The following VPS11 variants were observed in gnomAD, a reference collection of about 807,000 sequenced individuals.
The protein encoded by VPS11 is VPS11 core subunit of CORVET and HOPS complexes.
A neutral mutation model predicts 106.8 loss-of-function variants in VPS11; 51 were observed. That is an observed-to-expected ratio of 0.48 (90% CI 0.38 to 0.60). VPS11 has a LOEUF of 0.60. Among genes scored for constraint, VPS11 ranks in the 20% least tolerant of loss-of-function variants. The pLI is 0.00. For missense variants in VPS11, 950 were observed against 1,190.0 expected (o/e 0.80, Z 2.97); for synonymous variants, 453 against 458.7 (o/e 0.99, Z 0.16).
In VPS11 at chr11:119,081,523, A is replaced by C. The variant is rs1022083791; in HGVS notation, c.2726A>C (p.Lys909Thr). ...ADYFGRGVFN[K>T]LTLLTDPPTA... The stretch of plus-strand genomic sequence containing the variant: ...TACTTTGGCAGAGGTGTTTTCAACA[A>C]ATTGACTCTGCTGACCGACCCTCCC... The change falls in exon 16 of 16, where the codon AAA becomes ACA. Residue 909 changes from lysine (K) to threonine (T), a missense_variant. Lys to Thr is a moderately conservative substitution (Grantham distance 78, BLOSUM62 -1). This residue lies in a region of VPS11 where 453 missense variants were observed against 514.6 expected (regional missense o/e 0.88). Transcript: ENST00000621676. The C allele has an allele frequency of 4.3e-6, 7 of 1,613,988 alleles. No homozygotes were observed. In the Admixed American group the frequency reaches 1.0e-4, roughly 23 times the overall value.
intron 7 of VPS11, among the ~76,000 whole-genome samples, chr11:119,075,477 G>A (rs1945570474): frequency 6.6e-6 from 1 of 151,444 alleles, no homozygotes; most frequent in Non-Finnish European, 1.5e-5. Context: ...GGCCAAGGCG[G>A]GTGGATCACT....
chr11:119,079,407 C>A (rs1945767035), intron 14 of VPS11, 107 bp downstream of exon 14: 7 of 1,320,134 alleles, frequency 5.3e-6, no homozygotes, highest in Non-Finnish European at 7.0e-6. Flanking sequence ...TGCTTTTGAG[C>A]ATTTTGATTC....
At position 119,069,300 on chromosome 11, in the gene VPS11, A is replaced by T. The variant is rs1229302190; in HGVS notation, c.292A>T (p.Ile98Phe). Residue 98 changes from isoleucine (I) to phenylalanine (F), a missense_variant, in exon 2 of 16, where the codon ATT becomes TTT. Ile to Phe is a conservative substitution (Grantham distance 21, BLOSUM62 0). Coordinates refer to ENST00000621676, the MANE Select transcript of VPS11 (RefSeq NM_021729.6). ...CCTGTACCAACTGAAGCAGCACAAT[A>T]TTCTGGCATCTGTTGGAGAAGATGA... ...THLYQLKQHN[I>F]LASVGEDEEG... 1 of 1,614,008 alleles carries T rather than the reference A, an allele frequency of 6.2e-7. No individual in the cohort carries two copies. The highest frequency in any genetic ancestry group is 2.2e-5 in the East Asian group (1 of 44,886).
intron 7 of VPS11, 27 bp downstream of exon 7, chr11:119,073,978 A>G: frequency 6.3e-7 from 1 of 1,590,004 alleles, no homozygotes; most frequent in Non-Finnish European, 8.6e-7. Context: ...TTTGGGATAT[A>G]GCTGTGAATG....
chr11:119,076,348 G>A (rs1945619210), intron 7 of VPS11, among the ~76,000 whole-genome samples: 1 of 152,014 alleles, frequency 6.6e-6, no homozygotes, highest in Non-Finnish European at 1.5e-5. Context: ...CCAACATGGA[G>A]AAACCCTGCC....
At position 119,074,828 on chromosome 11, in the gene VPS11, C is replaced by T. The variant is rs1592189672; in HGVS notation, c.1238+877C>T. ...TGCAGTTGAGCCGATGATTACCTCT[C>T]ATTTTAACCTTTAGCTTGGCCTTTG... On this transcript the variant is annotated intron_variant, in intron 7 of 15. Transcript: ENST00000621676. Among the ~76,000 whole-genome samples, 4 of 152,306 alleles carry T rather than the reference C, an allele frequency of 2.6e-5. No individual in the cohort carries two copies. In the South Asian group the frequency reaches 6.2e-4, roughly 24 times the overall value.
rs1181548149 is a variant in VPS11 at position 119,078,512 on chromosome 11, G to C, written c.1924-53G>C. ...AGAGTTGACTGGCTTTGTCCCAAGAGACCTTGTGATTTTCCCCTTTTGTCC... is the reference window on the plus strand; with the variant it reads ...AGAGTTGACTGGCTTTGTCCCAAGACACCTTGTGATTTTCCCCTTTTGTCC... On this transcript the variant is annotated intron_variant, in intron 11 of 15. Coordinates refer to ENST00000621676, the MANE Select transcript of VPS11 (RefSeq NM_021729.6). 6.9e-6 allele frequency: 11 copies of C among 1,595,990 alleles called. No homozygotes were observed. In the Admixed American group the frequency reaches 1.7e-4, roughly 24 times the overall value.
Position 119,069,556 on chromosome 11 carries a change from A to G in VPS11, c.451A>G (p.Asn151Asp). Residue 151 changes from asparagine to aspartate, a missense_variant, in exon 3 of 16, where the codon AAT (asparagine) becomes GAT (aspartate). Physicochemically the swap from Asn to Asp is conservative, Grantham distance 23. Transcript: ENST00000621676. ...TVVSCLTVHE[N>D]LNFMAIGFTD... ...TGTATCTTGTTTGACTGTCCATGAA[A>G]ATCTCAACTTTATGGCCATTGGTAA... The G allele has an allele frequency of 6.2e-7, 1 of 1,613,818 alleles. No homozygotes were observed. The highest frequency in any genetic ancestry group is 8.5e-7 in the Non-Finnish European group (1 of 1,179,796).
In VPS11 at chr11:119,079,118, C is replaced by T. The variant is rs781939765; in HGVS notation, c.2267-11C>T. The stretch of plus-strand genomic sequence containing the variant: ...TTGATTGTCTTGTTTCCTCTTGGAC[C>T]CCAATCTCAGTGGTGCAGACCCTGG... On this transcript the variant is annotated splice_polypyrimidine_tract_variant and intron_variant, in intron 13 of 15. Transcript: ENST00000621676. 2.4e-5 allele frequency: 38 copies of T among 1,612,974 alleles called. No homozygotes were observed. Among genetic ancestry groups the T allele is most frequent in the Admixed American group, 3.3e-5 (2 of 59,968 alleles).
rs1592177784 is a variant in VPS11, at chr11:119,069,492, T to A, written c.387T>A (p.Thr129=). 1.2e-6 allele frequency: 2 copies of A among 1,614,014 alleles called. No homozygotes were observed. The highest frequency in any genetic ancestry group is 1.7e-6 in the Non-Finnish European group (2 of 1,179,902). The change falls in exon 3 of 16, where the codon ACT becomes ACA. Residue 129 remains threonine (T), a synonymous_variant. Coordinates refer to ENST00000621676, the MANE Select transcript of VPS11 (RefSeq NM_021729.6). Reference sequence around the variant, plus strand: ...GAGATGGTGGCAATCCACTCTGCACTCGAATCTTCCCTGCTATTCCAGGAA... The same window carrying A: ...GAGATGGTGGCAATCCACTCTGCACACGAATCTTCCCTGCTATTCCAGGAA... ...EKRDGGNPLC[T]RIFPAIPGTE...
At position 119,079,292 on chromosome 11, in the gene VPS11, C is replaced by T; in HGVS notation, c.2430C>T (p.Leu810=). The T allele has an allele frequency of 6.3e-7, 1 of 1,591,604 alleles. No individual in the cohort carries two copies. Among genetic ancestry groups the T allele is most frequent in the South Asian group, 1.1e-5 (1 of 87,896 alleles). Residue 810 remains leucine, a synonymous_variant, in exon 14 of 16, where the codon CTC becomes CTT. Coordinates refer to ENST00000621676, the MANE Select transcript of VPS11 (RefSeq NM_021729.6). ...TTRIRQEIQE[L]KASPKIFQKT... is the part of the protein sequence containing the mutation. ...GTATCCGCCAGGAGATCCAAGAGCTCAAGGCCAGGTACCCGGGGCATGGAT... is the reference window on the plus strand; with the variant it reads ...GTATCCGCCAGGAGATCCAAGAGCTTAAGGCCAGGTACCCGGGGCATGGAT...
chr11:119,079,831 T>C (rs1362319991), intron 14 of VPS11, among the ~76,000 whole-genome samples: 3 of 152,146 alleles, frequency 2.0e-5, no homozygotes, highest in Non-Finnish European at 4.4e-5. Context: ...GGCCTTGACC[T>C]CCCAAAGTGC....
intron 5 of VPS11, chr11:119,072,951 G>T: frequency 5.7e-6 from 3 of 525,622 alleles, no homozygotes; most frequent in Non-Finnish European, 1.0e-5. Flanking sequence ...CTAAATGAAT[G>T]GATATGTTAG....
In VPS11 at chr11:119,081,768, C is replaced by G; in HGVS notation, c.*145C>G. The G allele has an allele frequency of 9.2e-7, 1 of 1,085,752 alleles. No homozygotes were observed. Among genetic ancestry groups the G allele is most frequent in the Non-Finnish European group, 1.3e-6 (1 of 775,640 alleles). 67.3% of individuals were successfully genotyped at this position (1,085,752 alleles called of 1,614,324 possible). A position where few individuals can be genotyped will look rare whatever the true frequency, so the allele number is the denominator to read the frequency against. On this transcript the variant is annotated 3_prime_UTR_variant, in exon 16 of 16. Transcript: ENST00000621676. ...TCACAGCCCTCAGAACTAAAGCGGA[C>G]TTTCTTTCCCTGCCTTCTTATTTAG... is the stretch of plus-strand genomic sequence containing the variant.
intron 11 of VPS11, 64 bp downstream of exon 11, chr11:119,078,398 G>T: frequency 6.3e-7 from 1 of 1,589,214 alleles, no homozygotes; most frequent in Non-Finnish European, 8.5e-7. Flanking sequence ...TTCCGTCTTG[G>T]TGGCTGCCTT....
intron 8 of VPS11, 27 bp downstream of exon 8, chr11:119,077,110 C>G (rs1447109860): frequency 1.3e-6 from 2 of 1,597,818 alleles, no homozygotes; most frequent in African/African-American, 1.3e-5. Context: ...GTGGGGAAGT[C>G]TTGGAGGCCC....
Position 119,067,841 on chromosome 11 carries a change from G to A in VPS11, c.18G>A (p.Gln6=). The change falls in exon 1 of 16, where the codon CAG becomes CAA. Residue 6 remains glutamine, a synonymous_variant. Transcript: ENST00000621676. MAAYL[Q]WRRFVFFDKE... The stretch of plus-strand genomic sequence containing the variant: ...GGGCCAAAATGGCGGCCTACCTGCA[G>A]TGGCGGCGCTTCGTTTTCTTCGACA... The A allele has an allele frequency of 6.4e-7, 1 of 1,551,574 alleles. No homozygotes were observed. The highest frequency in any genetic ancestry group is 1.4e-5 in the African/African-American group (1 of 73,400).
chr11:119,078,648 G>T lies in VPS11; in HGVS notation c.2007G>T (p.Leu669=). 6.2e-7 allele frequency: 1 copy of T among 1,613,722 alleles called. No homozygotes were observed. The highest frequency in any genetic ancestry group is 8.5e-7 in the Non-Finnish European group (1 of 1,179,688). The stretch of plus-strand genomic sequence containing the variant: ...ACGTCTTTGACAAGGCCCTGGTCCT[G>T]TGCCAGATGCACGACTTCCAGGATG... ...FCDVFDKALV[L]CQMHDFQDGV... The change falls in exon 12 of 16, where the codon CTG becomes CTT. Residue 669 remains leucine (L), a synonymous_variant. Coordinates refer to ENST00000621676, the MANE Select transcript of VPS11 (RefSeq NM_021729.6).
chr11:119,073,501 G>A, intron 6 of VPS11, 102 bp downstream of exon 6: 3 of 1,395,004 alleles, frequency 2.2e-6, no homozygotes, highest in Non-Finnish European at 2.9e-6. Context: ...CTCCTTGTGG[G>A]TCACAGCCTT....
Sources: gnomAD v4.1 joint callset for allele counts (sites outside exome capture counted in the v4.1 genomes callset) on GRCh38, gnomAD v4.1.1 for gene constraint, gnomAD v4.1.1 regional missense constraint, MANE v1.5 for transcripts, NCBI Gene and HGNC (gene_info 2026-07-23, HGNC 2026-07-21) for gene names.